The following AMBRA1 variants were observed in gnomAD, a reference collection of about 807,000 sequenced individuals.
AMBRA1 encodes the protein autophagy and beclin 1 regulator 1.
Under a neutral mutation model 125.4 loss-of-function variants are expected in AMBRA1, and 47 were observed. The ratio of observed to expected loss-of-function variants is 0.37; its 90% CI spans 0.30 to 0.48. The LOEUF (loss-of-function observed/expected upper bound fraction) is 0.48, where lower values mean the gene tolerates loss of function less well. AMBRA1 is among the 20% of genes least tolerant of loss of function. AMBRA1 has a pLI of 0.99. For synonymous variants in AMBRA1, 626 were observed against 655.5 expected, an observed-to-expected ratio of 0.95 and a Z score of 0.69; for missense variants, 1,331 against 1,693.4, an observed-to-expected ratio of 0.79 and a Z score of 3.76.
chr11:46,569,588 T>C (rs1248655363), intron 1 of AMBRA1, among the ~76,000 whole-genome samples: 1 of 151,994 alleles, frequency 6.6e-6, no homozygotes, highest in Non-Finnish European at 1.5e-5. Context: ...GTCTGTGTAC[T>C]ATAGAAATAG....
intron 10 of AMBRA1, 147 bp from the exon 11 acceptor site, chr11:46,493,855 C>T (rs979070707): frequency 4.9e-5 from 33 of 677,864 alleles, no homozygotes; most frequent in South Asian, 2.7e-4. Flanking sequence ...TTGGTCCTTC[C>T]GCAGATTTGT....
At chr11:46,435,154 T>C in intron 12 of AMBRA1, 117 bp from the exon 13 acceptor site, 1 of 889,094 alleles carries the variant, frequency 1.1e-6, no homozygotes, top group Non-Finnish European at 1.7e-6. Context: ...CTAGAAATGC[T>C]AAAGAATACC....
chr11:46,575,512 C>CTTTTTT (rs775796043), intron 1 of AMBRA1, among the ~76,000 whole-genome samples: 3 of 100,412 alleles, frequency 3.0e-5, no homozygotes, highest in African/African-American at 4.1e-5. Flanking sequence ...TTTTTCTTTC[C>CTTTTTT]TTTTTTTTTT....
rs977260198 is a variant in AMBRA1 at position 46,593,857 on chromosome 11, G to A, written c.-150C>T. 51 of 397,404 alleles carry A rather than the reference G, an allele frequency of 1.3e-4. No homozygotes were observed. The highest frequency in any genetic ancestry group is 3.6e-5 in the East Asian group (1 of 28,060). The allele number at this position is 397,404 out of a possible 1,614,324, so 24.6% of individuals were successfully genotyped here. A position where few individuals can be genotyped will look rare whatever the true frequency, so the allele number is the denominator to read the frequency against. On this transcript the variant is annotated 5_prime_UTR_variant, in exon 1 of 18. Transcript: ENST00000683756. ...AAGGCAGACGGGAGCTCGGTTTGCA[G>A]TCCAGCGAACGGGCTGAGCCACAGG...
At chr11:46,416,907 G>A (rs1013897339) in intron 15 of AMBRA1, among the ~76,000 whole-genome samples, 15 of 152,134 alleles carry the variant, frequency 9.9e-5, no homozygotes, top group Non-Finnish European at 1.9e-4. Flanking sequence ...GACTCCCAGC[G>A]TCTCTAATGA....
intron 12 of AMBRA1, among the ~76,000 whole-genome samples, chr11:46,443,155 G>A (rs1019962884): frequency 1.3e-5 from 2 of 152,184 alleles, no homozygotes; most frequent in Admixed American, 1.3e-4. Context: ...GTAGTTCACT[G>A]GTCAAAACCT....
intron 15 of AMBRA1, among the ~76,000 whole-genome samples, chr11:46,413,357 T>C (rs1946383680): frequency 6.6e-6 from 1 of 152,246 alleles, no homozygotes; most frequent in South Asian, 2.1e-4. Context: ...AGCCTGGATT[T>C]GCTTTACTTT....
intron 11 of AMBRA1, among the ~76,000 whole-genome samples, chr11:46,455,060 T>A (rs1452219563): frequency 3.9e-5 from 6 of 152,032 alleles, no homozygotes; most frequent in Admixed American, 2.0e-4. Context: ...TAAAAAAAAA[T>A]TTGTTTTTGT....
At chr11:46,564,963 C>A (rs1463655949) in intron 1 of AMBRA1, among the ~76,000 whole-genome samples, 1 of 152,086 alleles carries the variant, frequency 6.6e-6, no homozygotes, top group Non-Finnish European at 1.5e-5. Context: ...GAGTACTCTA[C>A]AAATAAATCA....
At chr11:46,573,546 G>A (rs879509598) in intron 1 of AMBRA1, among the ~76,000 whole-genome samples, 17 of 151,960 alleles carry the variant, frequency 1.1e-4, no homozygotes, top group Non-Finnish European at 2.1e-4. Flanking sequence ...CAGACTGGCA[G>A]TTATGTAATT....
At chr11:46,439,690 G>C (rs1337182932) in intron 12 of AMBRA1, among the ~76,000 whole-genome samples, 2 of 152,126 alleles carry the variant, frequency 1.3e-5, no homozygotes, top group Non-Finnish European at 2.9e-5. Context: ...CTTCAGCAAA[G>C]TCAAAACTCG....
intron 17 of AMBRA1, among the ~76,000 whole-genome samples, chr11:46,403,410 T>A (rs988577266): frequency 7.2e-5 from 11 of 152,222 alleles, no homozygotes; most frequent in African/African-American, 2.2e-4. Context: ...TGACCTTTGC[T>A]ACGGGTCAGG....
intron 7 of AMBRA1, among the ~76,000 whole-genome samples, chr11:46,532,029 G>A (rs1192543592): frequency 2.0e-5 from 3 of 151,964 alleles, no homozygotes; most frequent in Non-Finnish European, 4.4e-5. Flanking sequence ...TGAGGCAGGA[G>A]AATCACTTGA....
At chr11:46,504,961 C>A (rs922325000) in intron 9 of AMBRA1, among the ~76,000 whole-genome samples, 5 of 152,242 alleles carry the variant, frequency 3.3e-5, no homozygotes, top group East Asian at 3.9e-4. Context: ...GAACACTATA[C>A]AACTGGATGT....
At chr11:46,584,579 C>T (rs1286623654) in intron 1 of AMBRA1, among the ~76,000 whole-genome samples, 1 of 151,804 alleles carries the variant, frequency 6.6e-6, no homozygotes, top group Non-Finnish European at 1.5e-5. Flanking sequence ...GAAAAATACA[C>T]ACTCTGCTAT....
At position 46,573,671 on chromosome 11, in the gene AMBRA1, T is replaced by C. The variant is rs1171464400; in HGVS notation, c.-121+20157A>G. Among the ~76,000 whole-genome samples the C allele has an allele frequency of 2.0e-5, 3 of 151,568 alleles. No individual in the cohort carries two copies. The South Asian group carries it at 6.2e-4, about 31-fold the overall frequency. ...GAAGCAGAATCCTTTTTCTTTTTTT[T>C]TTTTTTTATTATACTTTAAGTTTTA... On this transcript the variant is annotated intron_variant, in intron 1 of 17. Coordinates refer to ENST00000683756, the MANE Select transcript of AMBRA1 (RefSeq NM_001387011.1).
chr11:46,459,774 A>C (rs539741757), intron 11 of AMBRA1, among the ~76,000 whole-genome samples: 75 of 149,742 alleles, frequency 5.0e-4, no homozygotes, highest in Middle Eastern at 3.4e-3. Context: ...ACACACACAC[A>C]CCCTGGAATA....
chr11:46,399,991 G>A (rs1004249136), intron 17 of AMBRA1, among the ~76,000 whole-genome samples: 34 of 152,272 alleles, frequency 2.2e-4, no homozygotes, highest in Admixed American at 2.2e-3. Context: ...CACGGTGCTG[G>A]AGAGAGAAAA....
At chr11:46,518,109 A>G in intron 7 of AMBRA1, 3 of 985,096 alleles carry the variant, frequency 3.0e-6, no homozygotes, top group Non-Finnish European at 3.6e-6. Context: ...AATACTGAAA[A>G]GAAAGAGATA....
Sources: allele counts gnomAD v4.1 joint callset (sites outside exome capture counted in the v4.1 genomes callset), GRCh38; gene constraint gnomAD v4.1.1; transcripts MANE v1.5; gene names NCBI Gene and HGNC (gene_info 2026-07-23, HGNC 2026-07-21).